The following CTNNA1 variants were observed in gnomAD, a reference collection of about 807,000 sequenced individuals.
The protein encoded by CTNNA1 is catenin alpha-1.
A neutral mutation model predicts 98.4 loss-of-function variants in CTNNA1; 37 were observed. That is an observed-to-expected ratio of 0.38 (90% CI 0.29 to 0.49). CTNNA1 has a LOEUF of 0.49. Ranked by LOEUF, CTNNA1 falls within the 20% of genes least tolerant of loss-of-function variation. The pLI is 0.95. For synonymous variants in CTNNA1, 404 were observed against 413.2 expected, an observed-to-expected ratio of 0.98 and a Z score of 0.27; for missense variants, 761 against 1,147.2, an observed-to-expected ratio of 0.66 and a Z score of 4.86.
chr5:138,827,367 C>A, intron 6 of CTNNA1, 148 bp from the exon 7 acceptor site: 1 of 826,134 alleles, frequency 1.2e-6, no homozygotes, highest in Non-Finnish European at 1.9e-6. Context: ...TTCTGTGGGA[C>A]AGCCCCTTAC....
chr5:138,902,498 C>T (rs1393426534), intron 9 of CTNNA1, among the ~76,000 whole-genome samples: 2 of 152,234 alleles, frequency 1.3e-5, no homozygotes, highest in Non-Finnish European at 2.9e-5. Context: ...CGGCTCACTG[C>T]AAGCTCCGCC....
chr5:138,781,812 A>C, intron 1 of CTNNA1, 111 bp from the exon 2 acceptor site: 1 of 932,556 alleles, frequency 1.1e-6, no homozygotes, highest in Non-Finnish European at 1.5e-6. Flanking sequence ...TTTTTCATCT[A>C]TAGTGAATAT....
At chr5:138,787,411 C>T (rs925421893) in intron 3 of CTNNA1, among the ~76,000 whole-genome samples, 2 of 151,810 alleles carry the variant, frequency 1.3e-5, no homozygotes, top group African/African-American at 4.8e-5. Flanking sequence ...GAGCGAGACT[C>T]CGTCTCCAAA....
At chr5:138,902,725 C>T (rs1417000521) in intron 9 of CTNNA1, among the ~76,000 whole-genome samples, 2 of 152,088 alleles carry the variant, frequency 1.3e-5, no homozygotes, top group Admixed American at 6.5e-5. Flanking sequence ...GGTACACCAG[C>T]GATCTTTGTT....
intron 10 of CTNNA1, chr5:138,904,685 G>T: frequency 2.3e-6 from 1 of 444,396 alleles, no homozygotes; most frequent in East Asian, 3.7e-5. Flanking sequence ...GGCTGGGCAC[G>T]GTGGCTCACG....
chr5:138,932,356 G>T (rs560326892), intron 16 of CTNNA1: 1 of 1,382,104 alleles, frequency 7.2e-7, no homozygotes. Context: ...GCCATGCGGC[G>T]CAGTCAGGGT....
At chr5:138,769,139 C>T (rs924977296) in intron 1 of CTNNA1, among the ~76,000 whole-genome samples, 43 of 151,848 alleles carry the variant, frequency 2.8e-4, no homozygotes, top group African/African-American at 9.9e-4. Context: ...GTGATCCTCC[C>T]GCCTTGGCCT....
At chr5:138,850,342 A>G (rs1172439797) in intron 7 of CTNNA1, among the ~76,000 whole-genome samples, 6 of 152,176 alleles carry the variant, frequency 3.9e-5, no homozygotes, top group African/African-American at 9.7e-5. Flanking sequence ...AATGAACTCT[A>G]TGAAGCTCAC....
intron 7 of CTNNA1, among the ~76,000 whole-genome samples, chr5:138,849,989 A>AACAC (rs140124029): frequency 0.031 from 4,660 of 151,172 alleles, 222 homozygotes; most frequent in African/African-American, 0.11. Context: ...GATACAATAA[A>AACAC]ACACACACAC....
chr5:138,877,780 T>A (rs959179439), intron 7 of CTNNA1, among the ~76,000 whole-genome samples: 3 of 152,168 alleles, frequency 2.0e-5, no homozygotes, highest in African/African-American at 7.2e-5. Context: ...CCTTGGGATG[T>A]TGTAAATGCC....
At chr5:138,924,477 C>T in intron 11 of CTNNA1, 33 bp from the exon 12 acceptor site, 1 of 1,609,988 alleles carries the variant, frequency 6.2e-7, no homozygotes. Context: ...TAGAAAGCCT[C>T]CTTCCTCATT....
intron 7 of CTNNA1, among the ~76,000 whole-genome samples, chr5:138,865,815 T>C (rs1581341198): frequency 6.6e-6 from 1 of 152,368 alleles, no homozygotes; most frequent in South Asian, 2.1e-4. Context: ...TTCACTATTC[T>C]GTACATAGTT....
At chr5:138,932,074 C>G (rs1033762271) in intron 16 of CTNNA1, 1 of 986,008 alleles carries the variant, frequency 1.0e-6, no homozygotes, top group Non-Finnish European at 1.2e-6. Context: ...TCTTCCACCT[C>G]AGCCTGCAGT....
At chr5:138,848,734 C>CT (rs1445999113) in intron 7 of CTNNA1, among the ~76,000 whole-genome samples, 1 of 151,880 alleles carries the variant, frequency 6.6e-6, no homozygotes, top group Admixed American at 6.6e-5. Context: ...GCCTGGCATA[C>CT]TTTTTTTTGA....
intron 1 of CTNNA1, among the ~76,000 whole-genome samples, chr5:138,780,484 C>T (rs542221566): frequency 1.5e-4 from 23 of 151,810 alleles, no homozygotes; most frequent in Admixed American, 6.6e-4. Context: ...TGAGCCACTG[C>T]GCCTGGCCAA....
chr5:138,800,868 T>C (rs1757504980), intron 3 of CTNNA1, among the ~76,000 whole-genome samples: 1 of 152,110 alleles, frequency 6.6e-6, no homozygotes, highest in South Asian at 2.1e-4. Context: ...GCTGCAGACT[T>C]CAATTCACAG....
intron 11 of CTNNA1, among the ~76,000 whole-genome samples, chr5:138,924,295 TAA>T (rs36097366): frequency 7.2e-6 from 1 of 139,464 alleles, no homozygotes; most frequent in African/African-American, 2.5e-5. Flanking sequence ...TTTTTTTTTT[TAA>T]AAACCTGGAA....
chr5:138,926,308 C>T (rs1324432748), intron 13 of CTNNA1, among the ~76,000 whole-genome samples: 1 of 152,222 alleles, frequency 6.6e-6, no homozygotes, highest in Non-Finnish European at 1.5e-5. Context: ...TGAATATACT[C>T]ACTCCTCTGC....
chr5:138,855,497 T>C (rs779184993), intron 7 of CTNNA1, among the ~76,000 whole-genome samples: 6 of 152,170 alleles, frequency 3.9e-5, no homozygotes, highest in Admixed American at 1.3e-4. Context: ...GTTAAACTGG[T>C]TTTTGTTTTT....
Sources: allele counts gnomAD v4.1 joint callset (sites outside exome capture counted in the v4.1 genomes callset), GRCh38; gene constraint gnomAD v4.1.1; transcripts MANE v1.5; gene names NCBI Gene and HGNC (gene_info 2026-07-23, HGNC 2026-07-21).